The following GOPC variants were observed in gnomAD, a reference collection of about 807,000 sequenced individuals.
GOPC encodes the protein Golgi-associated PDZ and coiled-coil motif-containing protein.
Under a neutral mutation model 51.2 loss-of-function variants are expected in GOPC, and 32 were observed. The ratio of observed to expected loss-of-function variants is 0.63; its 90% confidence interval spans 0.47 to 0.84. The LOEUF (loss-of-function observed/expected upper bound fraction) is 0.84. Ranked by LOEUF, GOPC falls within the 40% of genes least tolerant of loss-of-function variation. GOPC has a pLI of 0.00. For synonymous variants in GOPC, 190 were observed against 205.1 expected, an observed-to-expected ratio of 0.93 and a Z score of 0.63; for missense variants, 441 against 555.5, an observed-to-expected ratio of 0.79 and a Z score of 2.07.
chr6:117,578,979 A>G lies in GOPC; in HGVS notation c.371T>C (p.Leu124Ser). The change falls in exon 2 of 9, where the codon TTA becomes TCA. Residue 124 changes from leucine to serine, a missense_variant. By Grantham distance (145) the Leu-to-Ser change is moderately radical. Coordinates refer to ENST00000368498, the MANE Select transcript of GOPC (RefSeq NM_020399.4). The part of the protein sequence containing the change: ...VLEKEVHDQL[L>S]QLHSIQLQLH... ...CTGCAGCTGAATAGAGTGCAGCTGT[A>G]AAAGCTGATCATGTACTTCTTTCTC... 1 of 1,612,820 alleles carries G rather than the reference A, an allele frequency of 6.2e-7. No homozygotes were observed. Among genetic ancestry groups the G allele is most frequent in the Non-Finnish European group, 8.5e-7 (1 of 1,179,370 alleles).
At chr6:117,583,276 C>T (rs574604165) in intron 1 of GOPC, among the ~76,000 whole-genome samples, 11 of 152,318 alleles carry the variant, frequency 7.2e-5, no homozygotes, top group East Asian at 1.9e-4. Context: ...GCACCCCTGT[C>T]GTGAGTACCA....
chr6:117,575,854 C>A (rs942890257), intron 3 of GOPC, among the ~76,000 whole-genome samples: 3 of 152,154 alleles, frequency 2.0e-5, no homozygotes, highest in Non-Finnish European at 2.9e-5. Flanking sequence ...CCCTATACCC[C>A]CTTTGTCCCT....
In GOPC at chr6:117,602,226, G is replaced by A. The variant is rs765532069; in HGVS notation, c.63C>T (p.Ser21=). The change falls in exon 1 of 9, where the codon TCC becomes TCT. Residue 21 remains serine (S), a synonymous_variant. Coordinates refer to ENST00000368498, the MANE Select transcript of GOPC (RefSeq NM_020399.4). ...AGGGPGGASC[S]VGAPGGVSMF... ...TGGATACCCCGCCAGGGGCCCCCAC[G>A]GAGCAGGAGGCGCCCCCTGGGCCCC... 1.4e-5 allele frequency: 23 copies of A among 1,605,456 alleles called. No homozygotes were observed. The highest frequency in any genetic ancestry group is 2.2e-5 in the South Asian group (2 of 91,084).
chr6:117,596,288 G>A lies in GOPC; in HGVS notation c.285+5716C>T, dbSNP rs148322130. 8.6e-4 allele frequency among the ~76,000 whole-genome samples: 131 copies of A among 152,150 alleles called. 1 individual carries two copies. The highest frequency in any genetic ancestry group is 3.0e-3 in the African/African-American group (124 of 41,524). ...TGTTTTGAGTTCCTTGTAGAGTCTGGATATTAGTCCTTTGTCGGATGTACA... is the reference window on the plus strand; with the variant it reads ...TGTTTTGAGTTCCTTGTAGAGTCTGAATATTAGTCCTTTGTCGGATGTACA... On this transcript the variant is annotated intron_variant, in intron 1 of 8. Coordinates refer to ENST00000368498, the MANE Select transcript of GOPC (RefSeq NM_020399.4).
At chr6:117,583,100 A>G (rs1272689431) in intron 1 of GOPC, among the ~76,000 whole-genome samples, 2 of 152,056 alleles carry the variant, frequency 1.3e-5, no homozygotes, top group African/African-American at 4.8e-5. Context: ...GCCAGTTCCT[A>G]CACCTGCTTG....
intron 1 of GOPC, 69 bp from the exon 2 acceptor site, chr6:117,579,133 T>A: frequency 7.9e-7 from 1 of 1,271,882 alleles, no homozygotes; most frequent in Non-Finnish European, 1.1e-6. Flanking sequence ...TAATTGTTAT[T>A]CAAGAATGAC....
rs960095392 is a variant in GOPC at position 117,562,173 on chromosome 6, A to G, written c.*1081T>C. On this transcript the variant is annotated 3_prime_UTR_variant, in exon 9 of 9. Coordinates refer to ENST00000368498, the MANE Select transcript of GOPC (RefSeq NM_020399.4). The stretch of plus-strand genomic sequence containing the variant: ...AGACCTAACAAATTTATAAACCTGC[A>G]TATGAAGAGAGCTTTAGTCAAACAT... The G allele has an allele frequency of 1.1e-4, 23 of 207,268 alleles. No individual in the cohort carries two copies. Among genetic ancestry groups the G allele is most frequent in the African/African-American group, 4.6e-4 (20 of 43,910 alleles). The allele number at this position is 207,268 out of a possible 1,614,324, so 12.8% of individuals were successfully genotyped here.
Position 117,562,507 on chromosome 6 carries a change from C to T in GOPC, c.*747G>A, listed in dbSNP as rs1443971358. 9.8e-6 allele frequency: 2 copies of T among 203,420 alleles called. No homozygotes were observed. Among genetic ancestry groups the T allele is most frequent in the African/African-American group, 2.3e-5 (1 of 43,660 alleles). The allele number at this position is 203,420 out of a possible 1,614,324, so 12.6% of individuals were successfully genotyped here. ...AATGGGTAAATGCTCCAGTACTGCG[C>T]ACACAGATCAACATAATTGAGAACA... On this transcript the variant is annotated 3_prime_UTR_variant, in exon 9 of 9. Transcript: ENST00000368498.
intron 1 of GOPC, among the ~76,000 whole-genome samples, chr6:117,597,932 A>C (rs1018923729): frequency 6.6e-6 from 1 of 152,142 alleles, no homozygotes; most frequent in Non-Finnish European, 1.5e-5. Flanking sequence ...ACACAAAGGA[A>C]TACTACTTAG....
intron 1 of GOPC, among the ~76,000 whole-genome samples, chr6:117,584,926 C>A (rs1375142236): frequency 6.6e-6 from 1 of 151,920 alleles, no homozygotes; most frequent in African/African-American, 2.4e-5. Context: ...TCTGCTCCTG[C>A]CTTCGCCTTC....
chr6:117,595,308 G>A (rs1780181006), intron 1 of GOPC, among the ~76,000 whole-genome samples: 1 of 152,188 alleles, frequency 6.6e-6, no homozygotes, highest in East Asian at 1.9e-4. Context: ...TCAAAAGGGA[G>A]TGCCATAACT....
chr6:117,563,088 G>T lies in GOPC; in HGVS notation c.*166C>A. The T allele has an allele frequency of 1.7e-6, 1 of 604,162 alleles. No homozygotes were observed. Among genetic ancestry groups the T allele is most frequent in the Non-Finnish European group, 2.9e-6 (1 of 342,750 alleles). 37.4% of individuals were successfully genotyped at this position (604,162 alleles called of 1,614,324 possible). A position where few individuals can be genotyped will look rare whatever the true frequency, so the allele number is the denominator to read the frequency against. On this transcript the variant is annotated 3_prime_UTR_variant, in exon 9 of 9. Transcript: ENST00000368498. ...TAATTATGGTCTACCACAGAAAACA[G>T]GGTGTTTTATGCATTGAGAATTGTT...
intron 3 of GOPC, 93 bp downstream of exon 3, chr6:117,577,355 A>C: frequency 8.4e-7 from 1 of 1,189,318 alleles, no homozygotes; most frequent in Non-Finnish European, 1.2e-6. Context: ...TGCTATTTTC[A>C]AATACAATGA....
chr6:117,577,652 TTTTTG>T (rs1486732879), intron 2 of GOPC, among the ~76,000 whole-genome samples, 181 bp from the exon 3 acceptor site: 4 of 152,092 alleles, frequency 2.6e-5, no homozygotes, highest in Non-Finnish European at 4.4e-5. Context: ...AGATTAAAAC[TTTTTG>T]TTTTATCAAA....
At chr6:117,594,920 C>G (rs556806728) in intron 1 of GOPC, among the ~76,000 whole-genome samples, 1 of 152,134 alleles carries the variant, frequency 6.6e-6, no homozygotes, top group South Asian at 2.1e-4. Context: ...AATCTTTATT[C>G]TATTCCAACA....
intron 7 of GOPC, 76 bp downstream of exon 7, chr6:117,569,496 G>C: frequency 6.5e-7 from 1 of 1,530,318 alleles, no homozygotes; most frequent in Non-Finnish European, 8.7e-7. Context: ...TAGAAACTTC[G>C]TAGGGAAGTA....
chr6:117,589,383 A>C (rs571689701), intron 1 of GOPC, among the ~76,000 whole-genome samples: 3 of 152,326 alleles, frequency 2.0e-5, no homozygotes, highest in African/African-American at 7.2e-5. Context: ...GCAATGGTGC[A>C]ATCTCGGCTC....
At chr6:117,573,347 C>T (rs539284305) in intron 5 of GOPC, 120 bp downstream of exon 5, 10 of 1,153,406 alleles carry the variant, frequency 8.7e-6, no homozygotes, top group Non-Finnish European at 1.2e-5. Flanking sequence ...AGTTGAATCC[C>T]ATTTTCACTT....
chr6:117,571,898 C>G (rs1779813095), intron 5 of GOPC, among the ~76,000 whole-genome samples: 1 of 152,148 alleles, frequency 6.6e-6, no homozygotes, highest in African/African-American at 2.4e-5. Flanking sequence ...ACAGCTCCAT[C>G]CCAGGCTCCT....
Sources: gnomAD v4.1 joint callset for allele counts (sites outside exome capture counted in the v4.1 genomes callset) on GRCh38, gnomAD v4.1.1 for gene constraint, MANE v1.5 for transcripts, NCBI Gene and HGNC (gene_info 2026-07-23, HGNC 2026-07-21) for gene names.